ZNF385D: variants seen among roughly 807,000 people sequenced by gnomAD.
ZNF385D encodes the protein zinc finger protein 659.
ZNF385D carries 15 observed loss-of-function variants against 35.8 expected under a neutral mutation model. The ratio of observed to expected loss-of-function variants is 0.42; its 90% confidence interval spans 0.28 to 0.64. ZNF385D has a LOEUF of 0.64. ZNF385D is among the 30% of genes least tolerant of loss of function. ZNF385D has a pLI of 0.23. For missense variants in ZNF385D, 474 were observed against 494.6 expected (o/e 0.96, Z 0.39); for synonymous variants, 212 against 186.8 (o/e 1.13, Z -1.10).
chr3:22,004,062 A>C (rs34867083), intron 3 of ZNF385D, among the ~76,000 whole-genome samples: 1 of 151,962 alleles, frequency 6.6e-6, no homozygotes, highest in East Asian at 1.9e-4. Flanking sequence ...CATATAACCA[A>C]TGGAACAGAA....
At chr3:22,189,047 T>TC (rs781529305) in intron 2 of ZNF385D, among the ~76,000 whole-genome samples, 1 of 151,678 alleles carries the variant, frequency 6.6e-6, no homozygotes, top group Non-Finnish European at 1.5e-5. Flanking sequence ...CATTTTTTTT[T>TC]CTCTTCATTA....
chr3:22,011,054 A>G (rs550201326), intron 3 of ZNF385D, among the ~76,000 whole-genome samples: 5 of 152,110 alleles, frequency 3.3e-5, no homozygotes, highest in African/African-American at 7.2e-5. Flanking sequence ...GACATGATAC[A>G]TGGATTTCTA....
chr3:22,008,246 G>C (rs1696339405), intron 3 of ZNF385D, among the ~76,000 whole-genome samples: 1 of 152,034 alleles, frequency 6.6e-6, no homozygotes, highest in African/African-American at 2.4e-5. Context: ...TCATCAAAGG[G>C]AGATGACAAG....
chr3:21,635,139 T>G (rs2065390885), intron 2 of ZNF385D, among the ~76,000 whole-genome samples: 1 of 152,118 alleles, frequency 6.6e-6, no homozygotes, highest in Non-Finnish European at 1.5e-5. Context: ...TAGTCAATAT[T>G]AAGCATTTAC....
intron 2 of ZNF385D, among the ~76,000 whole-genome samples, chr3:21,601,550 G>C (rs1235114731): frequency 6.6e-6 from 1 of 152,176 alleles, no homozygotes; most frequent in African/African-American, 2.4e-5. Flanking sequence ...AAAAGAAACA[G>C]CTACCAGAGC....
intron 3 of ZNF385D, among the ~76,000 whole-genome samples, chr3:21,805,317 T>C (rs886966398): frequency 6.8e-6 from 1 of 146,836 alleles, no homozygotes; most frequent in African/African-American, 2.5e-5. Context: ...GGGTGTTTAG[T>C]GTGGAAATAG....
intron 3 of ZNF385D, among the ~76,000 whole-genome samples, chr3:21,932,490 C>G (rs927040301): frequency 2.6e-5 from 4 of 151,828 alleles, no homozygotes; most frequent in Non-Finnish European, 4.4e-5. Flanking sequence ...CTCTACAGAG[C>G]TTTTGATTAA....
upstream of ZNF385D, among the ~76,000 whole-genome samples, chr3:21,755,182 G>A (rs749614054): frequency 7.2e-5 from 11 of 152,244 alleles, no homozygotes; most frequent in Admixed American, 6.5e-5. Flanking sequence ...CTTTAGTTTA[G>A]TCCACCTTTA....
At position 22,201,544 on chromosome 3, in the gene ZNF385D, G is replaced by C. The variant is rs189256487; in HGVS notation, c.107-32509C>G. On this transcript the variant is annotated intron_variant, in intron 2 of 5. Coordinates refer to the ZNF385D transcript ENST00000494108. ...ATACAGAAAAAAAGAAAGAAGTTAG[G>C]TTTTCTAATATTATTGAATTGTAGG... Among the ~76,000 whole-genome samples the C allele has an allele frequency of 4.7e-3, 715 of 152,006 alleles. 1 individual carries two copies. Among genetic ancestry groups the C allele is most frequent in the South Asian group, 0.011 (53 of 4,830 alleles).
chr3:22,083,188 G>A (rs1008576405), intron 3 of ZNF385D, among the ~76,000 whole-genome samples: 12 of 152,180 alleles, frequency 7.9e-5, no homozygotes, highest in Non-Finnish European at 1.0e-4. Flanking sequence ...CCAAAGGATC[G>A]CAGCTCCTCG....
At chr3:22,041,434 G>A (rs1698656681) in intron 3 of ZNF385D, among the ~76,000 whole-genome samples, 1 of 152,102 alleles carries the variant, frequency 6.6e-6, no homozygotes, top group African/African-American at 2.4e-5. Context: ...ATTAAGCAAA[G>A]TGTTAAAGTT....
At chr3:21,799,208 G>A (rs1473492993) in intron 3 of ZNF385D, among the ~76,000 whole-genome samples, 2 of 152,144 alleles carry the variant, frequency 1.3e-5, no homozygotes, top group African/African-American at 4.8e-5. Flanking sequence ...AGCAGTTGAT[G>A]GATGTTGTTT....
intron 2 of ZNF385D, among the ~76,000 whole-genome samples, chr3:22,218,226 A>G (rs1698015945): frequency 6.6e-6 from 1 of 152,050 alleles, no homozygotes; most frequent in Admixed American, 6.6e-5. Context: ...CTTTAATTTT[A>G]TTTAGCATCT....
In ZNF385D at chr3:22,272,860, G is replaced by A. The variant is rs181473738; in HGVS notation, c.106+99590C>T. Among the ~76,000 whole-genome samples, 17 of 152,008 alleles carry A rather than the reference G, an allele frequency of 1.1e-4. No individual in the cohort carries two copies. In the East Asian group the frequency reaches 3.1e-3, roughly 28 times the overall value. On this transcript the variant is annotated intron_variant, in intron 2 of 5. Coordinates refer to the ZNF385D transcript ENST00000494108. ...ACATGTGCTAAAATGTAGTCTAAGT[G>A]CTCATATAGTTTCTCAATATTTTAC...
At chr3:21,597,056 GTA>G (rs1174696299) in intron 2 of ZNF385D, among the ~76,000 whole-genome samples, 2 of 152,064 alleles carry the variant, frequency 1.3e-5, no homozygotes, top group Non-Finnish European at 2.9e-5. Context: ...TAATTAAATA[GTA>G]TATTTTTAGA....
At chr3:21,854,814 C>A (rs890623421) in intron 3 of ZNF385D, among the ~76,000 whole-genome samples, 1 of 151,846 alleles carries the variant, frequency 6.6e-6, no homozygotes, top group Non-Finnish European at 1.5e-5. Flanking sequence ...ATTGAATGAA[C>A]TAAATAATAA....
chr3:21,637,823 G>A (rs1444172090), intron 2 of ZNF385D, among the ~76,000 whole-genome samples: 1 of 152,014 alleles, frequency 6.6e-6, no homozygotes, highest in Non-Finnish European at 1.5e-5. Flanking sequence ...CAGGAAAATT[G>A]CTTCTTTGTT....
intron 3 of ZNF385D, among the ~76,000 whole-genome samples, chr3:21,541,190 T>G (rs1480182524): frequency 6.6e-6 from 1 of 152,202 alleles, no homozygotes; most frequent in Non-Finnish European, 1.5e-5. Flanking sequence ...TATGCATGCC[T>G]GGTACAATTT....
intron 2 of ZNF385D, among the ~76,000 whole-genome samples, chr3:21,606,633 G>C (rs2064493037): frequency 6.6e-6 from 1 of 152,206 alleles, no homozygotes; most frequent in Non-Finnish European, 1.5e-5. Context: ...CCTGTGCTCT[G>C]TCATGCAGTC....
Sources: allele counts gnomAD v4.1 joint callset (sites outside exome capture counted in the v4.1 genomes callset), GRCh38; gene constraint gnomAD v4.1.1; transcripts MANE v1.5; gene names NCBI Gene and HGNC (gene_info 2026-07-23, HGNC 2026-07-21).